WDFY4: variants seen among roughly 807,000 people sequenced by gnomAD.
The protein encoded by WDFY4 is WDFY family member 4, also known as WD repeat- and FYVE domain-containing protein 4.
WDFY4 carries 169 observed loss-of-function variants against 351.9 expected under a neutral mutation model. The ratio of observed to expected loss-of-function variants is 0.48; its 90% CI spans 0.42 to 0.55. WDFY4 has a LOEUF of 0.55. Among genes scored for constraint, WDFY4 ranks in the 20% least tolerant of loss-of-function variants. The pLI is 0.00. For missense variants in WDFY4, 3,803 were observed against 3,935.6 expected (o/e 0.97, Z 0.90); for synonymous variants, 1,622 against 1,574.6 (o/e 1.03, Z -0.71).
chr10:48,803,239 C>A, intron 24 of WDFY4, 47 bp from the exon 25 acceptor site: 1 of 1,539,738 alleles, frequency 6.5e-7, no homozygotes, highest in Non-Finnish European at 8.8e-7. Flanking sequence ...GCAAATCATT[C>A]TTCTCCCACA....
intron 1 of WDFY4, among the ~76,000 whole-genome samples, chr10:48,695,790 A>C (rs532705213): frequency 1.3e-5 from 2 of 151,976 alleles, no homozygotes; most frequent in East Asian, 3.9e-4. Flanking sequence ...AACCATAGCC[A>C]AACTGTAGGG....
chr10:48,902,346 C>A (rs1011667961), intron 47 of WDFY4, among the ~76,000 whole-genome samples: 12 of 152,172 alleles, frequency 7.9e-5, no homozygotes, highest in Non-Finnish European at 1.2e-4. Context: ...TGCAGTCCCC[C>A]CCGCCGCCGC....
chr10:48,689,932 G>A (rs2063152208), intron 1 of WDFY4, among the ~76,000 whole-genome samples: 1 of 152,224 alleles, frequency 6.6e-6, no homozygotes, highest in African/African-American at 2.4e-5. Context: ...CTTTGCCCTT[G>A]AAGAGTGAGT....
At chr10:48,734,063 C>T in intron 10 of WDFY4, 28 bp downstream of exon 10, 1 of 1,534,920 alleles carries the variant, frequency 6.5e-7, no homozygotes, top group South Asian at 1.2e-5. Context: ...TTTGCCTCAT[C>T]ACTGCTTGGT....
Position 48,760,334 on chromosome 10 carries a change from C to A in WDFY4, c.2460-13C>A. ...GGTCCGTGTCTCATGTCTGGCTCTC[C>A]CTCTCTCTGCAGGATGGATGAGGGA... On this transcript the variant is annotated splice_polypyrimidine_tract_variant and intron_variant, in intron 12 of 61. Transcript: ENST00000325239. 1 of 1,551,052 alleles carries A rather than the reference C, an allele frequency of 6.4e-7. No homozygotes were observed. The highest frequency in any genetic ancestry group is 8.7e-7 in the Non-Finnish European group (1 of 1,146,648).
At chr10:48,867,625 T>C (rs969366360) in intron 40 of WDFY4, among the ~76,000 whole-genome samples, 1 of 152,212 alleles carries the variant, frequency 6.6e-6, no homozygotes, top group Non-Finnish European at 1.5e-5. Context: ...TGCCCCTTTC[T>C]ATGCCAGTGG....
chr10:48,708,084 T>C (rs2063678977), intron 1 of WDFY4, among the ~76,000 whole-genome samples: 1 of 152,256 alleles, frequency 6.6e-6, no homozygotes, highest in South Asian at 2.1e-4. Context: ...TCAGCAGTCA[T>C]GTTTTCTGGG....
At chr10:48,854,084 A>G (rs192903196) in intron 39 of WDFY4, among the ~76,000 whole-genome samples, 2 of 151,850 alleles carry the variant, frequency 1.3e-5, no homozygotes, top group East Asian at 1.9e-4. Flanking sequence ...TTTAAGTGCT[A>G]ATTTTAATTT....
At chr10:48,819,503 T>A (rs535996300) in intron 32 of WDFY4, among the ~76,000 whole-genome samples, 1 of 152,278 alleles carries the variant, frequency 6.6e-6, no homozygotes, top group East Asian at 1.9e-4. Flanking sequence ...AACAGATGAA[T>A]GCGCAGGAGA....
intron 2 of WDFY4, among the ~76,000 whole-genome samples, chr10:48,718,640 A>T (rs2132259956): frequency 6.6e-6 from 1 of 152,268 alleles, no homozygotes; most frequent in South Asian, 2.1e-4. Context: ...TCTCTCAAGA[A>T]CTCAAGTCCT....
intron 47 of WDFY4, among the ~76,000 whole-genome samples, chr10:48,934,068 G>A (rs1006686771): frequency 6.6e-6 from 1 of 152,226 alleles, no homozygotes; most frequent in African/African-American, 2.4e-5. Context: ...AACCCAGAAG[G>A]CATGTGATCA....
intron 47 of WDFY4, chr10:48,914,243 A>C: frequency 7.1e-7 from 1 of 1,407,156 alleles, no homozygotes; most frequent in Non-Finnish European, 9.6e-7. Flanking sequence ...CTGCTGAAAG[A>C]TAAGAAAACA....
chr10:48,742,024 A>T (rs922667448), intron 11 of WDFY4, among the ~76,000 whole-genome samples: 1 of 152,200 alleles, frequency 6.6e-6, no homozygotes, highest in South Asian at 2.1e-4. Context: ...CAGTATGAGA[A>T]CTGCTTAAAT....
intron 22 of WDFY4, among the ~76,000 whole-genome samples, chr10:48,790,228 T>C (rs545977380): frequency 6.6e-6 from 1 of 152,350 alleles, no homozygotes; most frequent in African/African-American, 2.4e-5. Flanking sequence ...GGCTGCTGTC[T>C]GTGACGACAG....
At chr10:48,835,651 C>A (rs559220071) in intron 39 of WDFY4, among the ~76,000 whole-genome samples, 1 of 152,306 alleles carries the variant, frequency 6.6e-6, no homozygotes, top group South Asian at 2.1e-4. Flanking sequence ...GAGAGATAAG[C>A]ATGGTTAAGC....
chr10:48,920,568 C>T (rs553014125), intron 47 of WDFY4, among the ~76,000 whole-genome samples: 12 of 152,160 alleles, frequency 7.9e-5, no homozygotes, highest in Admixed American at 2.0e-4. Flanking sequence ...TATCATACTT[C>T]GTGAAGGACA....
At chr10:48,839,384 T>C (rs1031801688) in intron 39 of WDFY4, among the ~76,000 whole-genome samples, 26 of 152,230 alleles carry the variant, frequency 1.7e-4, no homozygotes, top group Non-Finnish European at 1.5e-5. Context: ...AAAGTTGTAG[T>C]AGATTCAACA....
intron 23 of WDFY4, among the ~76,000 whole-genome samples, chr10:48,794,635 C>T (rs920415040): frequency 3.3e-5 from 5 of 152,042 alleles, no homozygotes; most frequent in Non-Finnish European, 7.4e-5. Flanking sequence ...ATAATTAAAA[C>T]CCAGTAAAGG....
intron 61 of WDFY4, among the ~76,000 whole-genome samples, chr10:48,981,888 G>A (rs1423367728): frequency 6.6e-6 from 1 of 152,202 alleles, no homozygotes; most frequent in African/African-American, 2.4e-5. Context: ...AGCTGCTGTA[G>A]CATAGCCAAG....
Sources: allele counts gnomAD v4.1 joint callset (sites outside exome capture counted in the v4.1 genomes callset), GRCh38; gene constraint gnomAD v4.1.1; transcripts MANE v1.5; gene names NCBI Gene and HGNC (gene_info 2026-07-23, HGNC 2026-07-21).